The following TEAD4 variants were observed in gnomAD, a reference collection of about 807,000 sequenced individuals.
TEAD4 encodes transcriptional enhancer factor TEF-3.
Under a neutral mutation model 52.4 loss-of-function variants are expected in TEAD4, and 36 were observed. That is an observed-to-expected ratio of 0.69 (90% CI 0.53 to 0.91). TEAD4 has a LOEUF of 0.91. Among genes scored for constraint, TEAD4 ranks in the 40% least tolerant of loss-of-function variants. The pLI, the probability that TEAD4 is intolerant of heterozygous loss-of-function variation, is 0.00. For synonymous variants in TEAD4, 220 were observed against 231.0 expected, an observed-to-expected ratio of 0.95 and a Z score of 0.43; for missense variants, 508 against 583.9, an observed-to-expected ratio of 0.87 and a Z score of 1.34.
intron 2 of TEAD4, among the ~76,000 whole-genome samples, chr12:2,973,704 G>A (rs907821307): frequency 2.0e-5 from 3 of 152,354 alleles, no homozygotes; most frequent in African/African-American, 7.2e-5. Context: ...CTTCCTGCCT[G>A]GCGGGCTGCA....
intron 5 of TEAD4, among the ~76,000 whole-genome samples, chr12:3,014,149 C>T (rs1460764324): frequency 1.3e-5 from 2 of 152,214 alleles, no homozygotes. Context: ...TCAGCTGTTG[C>T]TCCCGCCTCT....
At position 3,012,204 on chromosome 12, in the gene TEAD4, A is replaced by G; in HGVS notation, c.326A>G (p.Lys109Arg). The G allele has an allele frequency of 1.2e-6, 2 of 1,614,068 alleles. No homozygotes were observed. Among genetic ancestry groups the G allele is most frequent in the Non-Finnish European group, 1.7e-6 (2 of 1,179,988 alleles). ...CACATCCAGGTGCTGGCTCGTCGCA[A>G]AGCTCGCGAGATCCAGGCCAAGCTA... The change falls in exon 5 of 13, where the codon AAA becomes AGA. Residue 109 changes from lysine (K) to arginine (R), a missense_variant. By Grantham distance (26) the Lys-to-Arg change is conservative. Coordinates refer to ENST00000359864, the MANE Select transcript of TEAD4 (RefSeq NM_003213.4).
intron 2 of TEAD4, among the ~76,000 whole-genome samples, chr12:2,966,703 G>GTAAAAAATT (rs1458784080): frequency 6.9e-4 from 105 of 151,854 alleles, no homozygotes; most frequent in Admixed American, 1.8e-3. Flanking sequence ...GAGCCACCAT[G>GTAAAAAATT]CCCGGCGTAT....
chr12:3,022,080 G>A (rs903458733), intron 10 of TEAD4, 63 bp downstream of exon 10: 37 of 1,581,284 alleles, frequency 2.3e-5, no homozygotes, highest in East Asian at 6.7e-5. Flanking sequence ...AGAACGGGGC[G>A]AGAGTGCCCA....
Position 3,011,021 on chromosome 12 carries a change from G to A in TEAD4, c.244G>A (p.Ala82Thr). Residue 82 changes from alanine to threonine, a missense_variant, in exon 4 of 13, where the codon GCC becomes ACC. Ala to Thr is a moderately conservative substitution (Grantham distance 58). Transcript: ENST00000359864. Reference sequence around the variant, plus strand: ...CTCTGCAGGTCGGAACGAGCTGATTGCCCGCTACATCAAGCTCCGGACAGG... The same window carrying A: ...CTCTGCAGGTCGGAACGAGCTGATTACCCGCTACATCAAGCTCCGGACAGG... The A allele has an allele frequency of 6.2e-7, 1 of 1,614,110 alleles. No homozygotes were observed. The highest frequency in any genetic ancestry group is 8.5e-7 in the Non-Finnish European group (1 of 1,180,006).
intron 2 of TEAD4, among the ~76,000 whole-genome samples, chr12:2,961,507 T>A (rs1406798753): frequency 6.6e-6 from 1 of 152,082 alleles, no homozygotes; most frequent in Non-Finnish European, 1.5e-5. Flanking sequence ...GGTGTGCGAC[T>A]GGTCTAAAAG....
intron 2 of TEAD4, among the ~76,000 whole-genome samples, chr12:2,972,054 C>G (rs1283893993): frequency 6.6e-6 from 1 of 151,020 alleles, no homozygotes; most frequent in Non-Finnish European, 1.5e-5. Context: ...CTCAAGTGAT[C>G]CCCTGGCTTC....
At chr12:2,977,371 C>T (rs897713043) in intron 2 of TEAD4, among the ~76,000 whole-genome samples, 1 of 152,154 alleles carries the variant, frequency 6.6e-6, no homozygotes, top group African/African-American at 2.4e-5. Context: ...TTTGACCAGG[C>T]ATTGCTCAAG....
At chr12:3,018,487 C>G (rs974612713) in intron 6 of TEAD4, 58 bp from the exon 7 acceptor site, 2 of 1,610,886 alleles carry the variant, frequency 1.2e-6, no homozygotes, top group African/African-American at 2.7e-5. Flanking sequence ...CACCCCCACA[C>G]CACAGGGCCC....
chr12:2,964,519 G>A (rs1004884971), intron 2 of TEAD4, among the ~76,000 whole-genome samples: 3 of 150,608 alleles, frequency 2.0e-5, no homozygotes, highest in African/African-American at 7.4e-5. Flanking sequence ...GTGCAGTGCT[G>A]CAATCTTGGC....
intron 8 of TEAD4, among the ~76,000 whole-genome samples, 170 bp downstream of exon 8, chr12:3,019,340 T>C (rs1013068382): frequency 3.3e-5 from 5 of 152,200 alleles, no homozygotes; most frequent in African/African-American, 9.6e-5. Context: ...TCCCCCAGCA[T>C]GCACACCTCA....
At chr12:3,009,796 G>A (rs912145013) in intron 3 of TEAD4, among the ~76,000 whole-genome samples, 3 of 152,170 alleles carry the variant, frequency 2.0e-5, no homozygotes, top group African/African-American at 7.2e-5. Flanking sequence ...TGACACAGAC[G>A]AGGCAGTGGT....
chr12:2,978,726 A>C (rs1451128773), intron 2 of TEAD4, among the ~76,000 whole-genome samples: 1 of 151,850 alleles, frequency 6.6e-6, no homozygotes, highest in Non-Finnish European at 1.5e-5. Flanking sequence ...GTTATGAATG[A>C]AACTCCCCAT....
chr12:2,987,383 T>A (rs142577319), intron 2 of TEAD4, among the ~76,000 whole-genome samples: 59 of 151,970 alleles, frequency 3.9e-4, no homozygotes, highest in African/African-American at 1.3e-3. Flanking sequence ...TCCTGCTTCT[T>A]CCATGTGTTT....
chr12:3,033,266 T>C (rs1207892589), intron 10 of TEAD4, among the ~76,000 whole-genome samples: 1 of 152,174 alleles, frequency 6.6e-6, no homozygotes, highest in African/African-American at 2.4e-5. Context: ...GGGACACATT[T>C]CCAGCTAGAA....
intron 2 of TEAD4, among the ~76,000 whole-genome samples, chr12:2,985,301 C>T (rs1383049819): frequency 6.6e-6 from 1 of 151,182 alleles, no homozygotes; most frequent in African/African-American, 2.4e-5. Flanking sequence ...AGGAGAATGG[C>T]ATGAGCCTGG....
chr12:2,960,423 A>G, intron 2 of TEAD4: 1 of 940,760 alleles, frequency 1.1e-6, no homozygotes, highest in Non-Finnish European at 1.3e-6. Context: ...AAGGTCCTAC[A>G]CCTCAGGGCT....
At chr12:3,013,513 C>G (rs1335894970) in intron 5 of TEAD4, among the ~76,000 whole-genome samples, 4 of 152,114 alleles carry the variant, frequency 2.6e-5, no homozygotes, top group African/African-American at 9.7e-5. Flanking sequence ...TTGGGCGGAT[C>G]ACTTGAGGTC....
chr12:3,010,887 G>C, intron 3 of TEAD4, 117 bp from the exon 4 acceptor site: 1 of 1,126,802 alleles, frequency 8.9e-7, no homozygotes, highest in African/African-American at 1.5e-5. Flanking sequence ...CCACAAATCC[G>C]CTTAGGATGG....
Sources: allele counts gnomAD v4.1 joint callset (sites outside exome capture counted in the v4.1 genomes callset), GRCh38; gene constraint gnomAD v4.1.1; transcripts MANE v1.5; gene names NCBI Gene and HGNC (gene_info 2026-07-23, HGNC 2026-07-21).